NCOA2: variants seen among roughly 807,000 people sequenced by gnomAD.
The protein encoded by NCOA2 is class E basic helix-loop-helix protein 75.
A neutral mutation model predicts 145.1 loss-of-function variants in NCOA2; 21 were observed. The ratio of observed to expected loss-of-function variants is 0.14; its 90% CI spans 0.10 to 0.21. The LOEUF is 0.21. Among genes scored for constraint, NCOA2 ranks in the 10% least tolerant of loss-of-function variants. The probability of loss-of-function intolerance (pLI) is 1.00; values close to 1 mark genes in which losing one functional copy is unlikely to be tolerated. For missense variants in NCOA2, 1,472 were observed against 1,837.6 expected, an observed-to-expected ratio of 0.80 and a Z score of 3.64; for synonymous variants, 619 against 637.5, an observed-to-expected ratio of 0.97 and a Z score of 0.44.
the NCOA2 span, among the ~76,000 whole-genome samples, chr8:70,430,693 G>C: frequency 6.6e-6 from 1 of 152,098 alleles, no homozygotes; most frequent in Admixed American, 6.6e-5. Flanking sequence ...TAAAAAAAAT[G>C]GTTGCTTCGT....
At chr8:70,114,470 A>G (rs1806863007) in intron 22 of NCOA2, among the ~76,000 whole-genome samples, 1 of 152,220 alleles carries the variant, frequency 6.6e-6, no homozygotes, top group African/African-American at 2.4e-5. Flanking sequence ...TTGGCTACCG[A>G]CTATCTTCCT....
chr8:70,271,309 G>A (rs1017876307), intron 2 of NCOA2, among the ~76,000 whole-genome samples: 1 of 152,174 alleles, frequency 6.6e-6, no homozygotes, highest in South Asian at 2.1e-4. Context: ...AACACACTGA[G>A]ATTATTAGTA....
intron 1 of NCOA2, among the ~76,000 whole-genome samples, chr8:70,325,112 T>A (rs931052970): frequency 6.6e-6 from 1 of 152,250 alleles, no homozygotes; most frequent in Non-Finnish European, 1.5e-5. Context: ...TATGGCATCA[T>A]GTACCTAACC....
intron 18 of NCOA2, among the ~76,000 whole-genome samples, chr8:70,128,033 C>G (rs2131495740): frequency 6.6e-6 from 1 of 152,286 alleles, no homozygotes; most frequent in African/African-American, 2.4e-5. Context: ...AGATAAGCGC[C>G]ATTCAGGCCT....
chr8:70,375,834 A>C (rs769329846), intron 1 of NCOA2, among the ~76,000 whole-genome samples: 64 of 152,210 alleles, frequency 4.2e-4, no homozygotes, highest in Non-Finnish European at 8.5e-4. Context: ...TATATACATG[A>C]AGCATACAAT....
chr8:70,382,851 A>G (rs371666569), intron 1 of NCOA2, among the ~76,000 whole-genome samples: 1 of 152,196 alleles, frequency 6.6e-6, no homozygotes, highest in African/African-American at 2.4e-5. Flanking sequence ...GTTAATAATA[A>G]TACTTCGCAA....
chr8:70,340,734 G>A (rs1031548132), intron 1 of NCOA2, among the ~76,000 whole-genome samples: 1 of 152,042 alleles, frequency 6.6e-6, no homozygotes, highest in Non-Finnish European at 1.5e-5. Flanking sequence ...TATAAACCAC[G>A]GAATACTATG....
Position 70,156,666 on chromosome 8 carries a change from C to T in NCOA2, c.1699G>A (p.Val567Ile), listed in dbSNP as rs778424685. ...LKMGNLQNSP[V>I]NMNPPPLSKM... ...CTGAGTGGGGGAGGATTCATATTAA[C>T]TGGGGAGTTTTGCAAATTGCCCATT... Residue 567 changes from valine to isoleucine, a missense_variant, in exon 11 of 23, where the codon GTT becomes ATT. By Grantham distance (29) the Val-to-Ile change is conservative. Coordinates refer to ENST00000452400, the MANE Select transcript of NCOA2 (RefSeq NM_006540.4). 4.3e-6 allele frequency: 7 copies of T among 1,613,984 alleles called. No homozygotes were observed. In the Admixed American group the frequency reaches 1.0e-4, roughly 23 times the overall value.
intron 5 of NCOA2, among the ~76,000 whole-genome samples, chr8:70,171,139 G>C (rs571110438): frequency 6.6e-6 from 1 of 152,332 alleles, no homozygotes; most frequent in African/African-American, 2.4e-5. Flanking sequence ...TGAGTTCACA[G>C]CCTCACTTTT....
chr8:70,326,465 A>G (rs984349296), intron 1 of NCOA2, among the ~76,000 whole-genome samples: 2 of 150,944 alleles, frequency 1.3e-5, no homozygotes, highest in African/African-American at 4.9e-5. Context: ...ACACACACAC[A>G]CACACATGCA....
chr8:70,129,089 T>C (rs1309266087), intron 16 of NCOA2, 109 bp from the exon 17 acceptor site: 1 of 1,056,750 alleles, frequency 9.5e-7, no homozygotes, highest in African/African-American at 1.6e-5. Context: ...TTTTATACTT[T>C]TTAATATTAT....
chr8:70,165,100 T>G (rs114080880), intron 7 of NCOA2, among the ~76,000 whole-genome samples: 1,813 of 152,282 alleles, frequency 0.012, 50 homozygotes, highest in African/African-American at 0.042. Context: ...AAGTAATAAA[T>G]TAGCTCAGCT....
At chr8:70,450,572 TC>T in the NCOA2 span, among the ~76,000 whole-genome samples, 6 of 136,890 alleles carry the variant, frequency 4.4e-5, no homozygotes, top group Admixed American at 2.2e-4. Context: ...TTCTTTTTAT[TC>T]TTTTTTTTTT....
rs974667649 is a variant in NCOA2, at chr8:70,113,044, G to A, written c.*588C>T. On this transcript the variant is annotated 3_prime_UTR_variant, in exon 23 of 23. Transcript: ENST00000452400. ...GGTCTTTAGAGCTTTCTAGAGATAC[G>A]ACTGTGACTTTGTTGGTCTTCACGC... is the stretch of plus-strand genomic sequence containing the variant. 15 of 200,002 alleles carry A rather than the reference G, an allele frequency of 7.5e-5. No individual in the cohort carries two copies. The highest frequency in any genetic ancestry group is 2.3e-4 in the East Asian group (3 of 13,002). 12.4% of individuals were successfully genotyped at this position (200,002 alleles called of 1,614,324 possible).
chr8:70,250,270 T>C (rs1187910981), intron 2 of NCOA2, among the ~76,000 whole-genome samples: 2 of 151,668 alleles, frequency 1.3e-5, no homozygotes, highest in Non-Finnish European at 2.9e-5. Context: ...CACACACTTG[T>C]AGCTCCAGCT....
At chr8:70,440,522 C>A in the NCOA2 span, among the ~76,000 whole-genome samples, 1 of 150,476 alleles carries the variant, frequency 6.6e-6, no homozygotes, top group Non-Finnish European at 1.5e-5. Flanking sequence ...GGCAGTGGGC[C>A]GAGATGCGCC....
chr8:70,159,218 A>ATTATATATATATATATAT (rs1554578421), intron 10 of NCOA2, among the ~76,000 whole-genome samples: 31 of 112,984 alleles, frequency 2.7e-4, no homozygotes, highest in African/African-American at 1.1e-3. Context: ...AATACAGTAT[A>ATTATATATATATATATAT]ACATTATATA....
At chr8:70,299,248 A>C (rs1827315278) in intron 1 of NCOA2, among the ~76,000 whole-genome samples, 2 of 152,230 alleles carry the variant, frequency 1.3e-5, no homozygotes, top group Non-Finnish European at 2.9e-5. Context: ...CATTTAAAGC[A>C]AAAGTGGAGG....
At chr8:70,241,795 G>C (rs1217467918) in intron 2 of NCOA2, among the ~76,000 whole-genome samples, 1 of 152,122 alleles carries the variant, frequency 6.6e-6, no homozygotes, top group African/African-American at 2.4e-5. Context: ...ATTAATATAT[G>C]TAAGGTCCAT....
Sources: allele counts gnomAD v4.1 joint callset (sites outside exome capture counted in the v4.1 genomes callset), GRCh38; gene constraint gnomAD v4.1.1; transcripts MANE v1.5; gene names NCBI Gene and HGNC (gene_info 2026-07-23, HGNC 2026-07-21).